The following LTBP4 variants were observed in gnomAD, a reference collection of about 807,000 sequenced individuals.
LTBP4 encodes latent-transforming growth factor beta-binding protein 4.
Under a neutral mutation model 180.2 loss-of-function variants are expected in LTBP4, and 93 were observed. The observed-to-expected ratio is 0.52, with a 90% CI of 0.44 to 0.61. LTBP4 has a LOEUF of 0.61. Among genes scored for constraint, LTBP4 ranks in the 20% least tolerant of loss-of-function variants. The pLI is 0.00. For synonymous variants in LTBP4, 947 were observed against 934.5 expected (o/e 1.01, Z -0.24); for missense variants, 2,116 against 2,256.5 (o/e 0.94, Z 1.26).
rs149574558 is a variant in LTBP4 at position 40,603,912 on chromosome 19, G to T, written c.251-1123G>T. Among the ~76,000 whole-genome samples the T allele has an allele frequency of 8.0e-4, 122 of 152,358 alleles. 1 individual carries two copies. The East Asian group carries it at 0.021, about 26-fold the overall frequency. ...CCGCACCTCTCTCTTTGTTTACCCCGCCGCACAGCTGGCAGTGCCCCGCCC... is the reference window on the plus strand; with the variant it reads ...CCGCACCTCTCTCTTTGTTTACCCCTCCGCACAGCTGGCAGTGCCCCGCCC... On this transcript the variant is annotated intron_variant, in intron 1 of 29. Coordinates refer to ENST00000396819, the MANE Select transcript of LTBP4 (RefSeq NM_001042545.2).
rs780844818 is a variant in LTBP4 at position 40,605,126 on chromosome 19, G to A, written c.342G>A (p.Gln114=). 2 of 1,613,764 alleles carry A rather than the reference G, an allele frequency of 1.2e-6. No homozygotes were observed. Among genetic ancestry groups the A allele is most frequent in the Admixed American group, 1.7e-5 (1 of 60,014 alleles). ...CPPDFAGKFC[Q]LHSSGARPPA... is the part of the protein sequence containing the mutation. The stretch of plus-strand genomic sequence containing the variant: ...CGGACTTCGCTGGCAAGTTCTGCCA[G>A]TTGCACTCCTCGGGCGCCCGGCCCC... The change falls in exon 2 of 30, where the codon CAG becomes CAA. Residue 114 remains glutamine (Q), a synonymous_variant. Transcript: ENST00000396819. This position sits in a 1 kb window ranked among gnomAD's most constrained non-coding sequence, Gnocchi z 5.5.
At chr19:40,598,851 T>A (rs1457473896), upstream of LTBP4, among the ~76,000 whole-genome samples, 1 of 152,198 alleles carries the variant, frequency 6.6e-6, no homozygotes, top group Non-Finnish European at 1.5e-5. Flanking sequence ...TCCCAGACAG[T>A]GCGGGCTTAG....
At chr19:40,612,994 C>T (rs1297332941) in intron 15 of LTBP4, 71 bp from the exon 16 acceptor site, 2 of 1,518,464 alleles carry the variant, frequency 1.3e-6, no homozygotes, top group Non-Finnish European at 1.8e-6. Flanking sequence ...CCCCCAGACA[C>T]CCTACTCCAA....
intron 22 of LTBP4, among the ~76,000 whole-genome samples, chr19:40,619,701 A>C (rs2146040233): frequency 6.6e-6 from 1 of 152,326 alleles, no homozygotes; most frequent in South Asian, 2.1e-4. Flanking sequence ...TCATTCAACA[A>C]ATGTTCACAG....
rs566887815 is a variant in LTBP4 at position 40,610,970 on chromosome 19, A to G, written c.1811-182A>G. ...AAGGAGGCCTTCTCATGGGGACTAC[A>G]GAGACAGAACCAGCCAGGCAGCTTA... On this transcript the variant is annotated intron_variant, in intron 12 of 29. Transcript: ENST00000396819. 5.7e-6 allele frequency: 5 copies of G among 872,264 alleles called. No homozygotes were observed. In the South Asian group the frequency reaches 7.1e-5, roughly 12 times the overall value. The allele number at this position is 872,264 out of a possible 1,614,324, so 54.0% of individuals were successfully genotyped here. A position where few individuals can be genotyped will look rare whatever the true frequency, so the allele number is the denominator to read the frequency against.
upstream of LTBP4, chr19:40,600,159 C>T (rs1403680222): frequency 1.6e-6 from 2 of 1,255,480 alleles, no homozygotes; most frequent in Non-Finnish European, 2.0e-6. This position sits in a 1 kb window ranked among gnomAD's most constrained non-coding sequence, Gnocchi z 4.4. Context: ...ACAGCGTGCC[C>T]CCGCTGGCAA....
chr19:40,619,593 C>A, intron 22 of LTBP4, 100 bp downstream of exon 22: 1 of 1,322,232 alleles, frequency 7.6e-7, no homozygotes, highest in Non-Finnish European at 1.0e-6. Context: ...CAGCTAAATA[C>A]TGTTGTTTTA....
chr19:40,610,416 A>G, intron 11 of LTBP4, 116 bp from the exon 12 acceptor site: 1 of 1,288,516 alleles, frequency 7.8e-7, no homozygotes, highest in Non-Finnish European at 1.1e-6. Context: ...CCGGGTCCCC[A>G]TCCTGGCTCT....
chr19:40,605,228 T>G lies in LTBP4; in HGVS notation c.442+2T>G, dbSNP rs1395468123. 5 of 1,587,004 alleles carry G rather than the reference T, an allele frequency of 3.2e-6. No individual in the cohort carries two copies. Among genetic ancestry groups the G allele is most frequent in the Non-Finnish European group, 4.3e-6 (5 of 1,166,580 alleles). ...CCAACCACCGCGACGACGAGCACGGTGAGGAAAGGGTGGCCAGAGTCCCCT... is the reference window on the plus strand; with the variant it reads ...CCAACCACCGCGACGACGAGCACGGGGAGGAAAGGGTGGCCAGAGTCCCCT... On this transcript the variant is annotated splice_donor_variant, in intron 2 of 29. Coordinates refer to ENST00000396819, the MANE Select transcript of LTBP4 (RefSeq NM_001042545.2). LOFTEE classifies it high-confidence loss of function. The surrounding 1 kb of genome is among the most constrained non-coding windows in gnomAD (Gnocchi z 5.5).
intron 12 of LTBP4, chr19:40,610,870 T>G: frequency 1.3e-6 from 1 of 787,014 alleles, no homozygotes; most frequent in Non-Finnish European, 1.9e-6. Context: ...TCATGAAAGA[T>G]GGAGAAGCAG....
At chr19:40,600,097 G>A (rs768294234), upstream of LTBP4, 2 of 1,259,766 alleles carry the variant, frequency 1.6e-6, no homozygotes, top group Admixed American at 4.2e-5. The surrounding 1 kb of genome is among the most constrained non-coding windows in gnomAD (Gnocchi z 4.4). Context: ...CTACTGAAGC[G>A]GCGGCGGCCC....
chr19:40,611,480 A>G lies in LTBP4; in HGVS notation c.2053+86A>G, dbSNP rs1393417957. On this transcript the variant is annotated intron_variant, in intron 13 of 29. Transcript: ENST00000396819. This position sits in a 1 kb window ranked among gnomAD's most constrained non-coding sequence, Gnocchi z 4.4. Reference sequence around the variant, plus strand: ...TATTGAGGGGCAGAGAGGCAGAGTGATGGGGCTCAGGGATGGAGAACAGGG... The same window carrying G: ...TATTGAGGGGCAGAGAGGCAGAGTGGTGGGGCTCAGGGATGGAGAACAGGG... 3 of 1,517,262 alleles carry G rather than the reference A, an allele frequency of 2.0e-6. No homozygotes were observed. The highest frequency in any genetic ancestry group is 3.9e-5 in the Admixed American group (2 of 51,910). 94.0% of individuals were successfully genotyped at this position (1,517,262 alleles called of 1,614,324 possible).
chr19:40,601,249 G>T, upstream of LTBP4: 1 of 650,228 alleles, frequency 1.5e-6, no homozygotes, highest in Non-Finnish European at 1.9e-6. Context: ...GCCCCCGCGC[G>T]GCCGCCGGGG....
chr19:40,612,257 A>T, intron 15 of LTBP4, 65 bp downstream of exon 15: 1 of 1,514,102 alleles, frequency 6.6e-7, no homozygotes, highest in Non-Finnish European at 8.9e-7. Flanking sequence ...GACCCAGATC[A>T]CAACTATGAC....
At position 40,601,653 on chromosome 19, in the gene LTBP4, TG is replaced by T; in HGVS notation, c.250+18del. 7.4e-7 allele frequency: 1 copy of T among 1,342,996 alleles called. No homozygotes were observed. The allele number at this position is 1,342,996 out of a possible 1,614,324, so 83.2% of individuals were successfully genotyped here. On this transcript the variant is annotated intron_variant, in intron 1 of 29. Coordinates refer to ENST00000396819, the MANE Select transcript of LTBP4 (RefSeq NM_001042545.2). The stretch of plus-strand genomic sequence containing the variant: ...TTCCGCGCCTGTGAGTGCGGGGTGG[TG>T]GTCCCGAGAGAGCGGCTCCGGGGGG...
At position 40,617,034 on chromosome 19, in the gene LTBP4, A is replaced by C. The variant is rs766654984; in HGVS notation, c.2944+14A>C. 1 of 1,612,714 alleles carries C rather than the reference A, an allele frequency of 6.2e-7. No homozygotes were observed. The highest frequency in any genetic ancestry group is 8.5e-7 in the Non-Finnish European group (1 of 1,178,790). On this transcript the variant is annotated intron_variant, in intron 20 of 29. Coordinates refer to ENST00000396819, the MANE Select transcript of LTBP4 (RefSeq NM_001042545.2). ...GCGGATGCCAGGGTGGGTGTCCATC[A>C]GGCATCGGGTGAGATGTGGAGATGG... is the stretch of plus-strand genomic sequence containing the variant.
intron 7 of LTBP4, 147 bp from the exon 8 acceptor site, chr19:40,608,073 C>A: frequency 1.2e-6 from 1 of 810,726 alleles, no homozygotes; most frequent in Non-Finnish European, 2.0e-6. Context: ...TACTCTTTGG[C>A]CAGGACACCA....
chr19:40,624,182 C>T, intron 26 of LTBP4, 100 bp downstream of exon 26: 1 of 1,354,684 alleles, frequency 7.4e-7, no homozygotes, highest in Non-Finnish European at 9.8e-7. Context: ...CCGAAGGCCA[C>T]GCCCCATGCT....
In LTBP4 at chr19:40,623,013, T is replaced by C. The variant is rs372872412; in HGVS notation, c.3548T>C (p.Leu1183Pro). ...CTGGCGCCCAGTGGAGACCTGAGCC[T>C]CCGGAGAGGTGAGGCCAGCCTTTGA... ...GYLAPSGDLS[L>P]RRDVDECQLF... Residue 1183 changes from leucine to proline, a missense_variant, in exon 24 of 30, where the codon CTC becomes CCC. Coordinates refer to ENST00000396819, the MANE Select transcript of LTBP4 (RefSeq NM_001042545.2). 10 of 1,610,422 alleles carry C rather than the reference T, an allele frequency of 6.2e-6. No homozygotes were observed. In the African/African-American group the frequency reaches 1.2e-4, roughly 19 times the overall value.
Sources: allele counts gnomAD v4.1 joint callset (sites outside exome capture counted in the v4.1 genomes callset), GRCh38; gene constraint gnomAD v4.1.1; non-coding constraint Gnocchi (gnomAD v3.1); transcripts MANE v1.5; gene names NCBI Gene and HGNC (gene_info 2026-07-23, HGNC 2026-07-21).